FAM222A: variants seen among roughly 807,000 people sequenced by gnomAD.
FAM222A encodes the protein family with sequence similarity 222 member A.
Under a neutral mutation model 25.8 loss-of-function variants are expected in FAM222A, and 7 were observed. The observed-to-expected ratio is 0.27, with a 90% CI of 0.15 to 0.51. FAM222A has a LOEUF of 0.51. FAM222A is among the 20% of genes least tolerant of loss of function. The pLI is 0.97. For missense variants in FAM222A, 573 were observed against 640.5 expected (o/e 0.89, Z 1.14); for synonymous variants, 294 against 298.8 (o/e 0.98, Z 0.17).
intron 1 of FAM222A, among the ~76,000 whole-genome samples, chr12:109,718,519 G>GGC (rs1887688692): frequency 6.6e-6 from 1 of 151,934 alleles, no homozygotes; most frequent in Non-Finnish European, 1.5e-5. Flanking sequence ...AGAACGAGGA[G>GGC]GCGCGCACAA....
intron 2 of FAM222A, among the ~76,000 whole-genome samples, chr12:109,761,245 C>A (rs951543677): frequency 6.6e-6 from 1 of 152,118 alleles, no homozygotes; most frequent in Non-Finnish European, 1.5e-5. Context: ...GGCTGCCCCC[C>A]CAGGCCTCTG....
At chr12:109,730,771 C>G (rs937001262) in intron 1 of FAM222A, among the ~76,000 whole-genome samples, 3 of 152,150 alleles carry the variant, frequency 2.0e-5, no homozygotes, top group Non-Finnish European at 2.9e-5. Context: ...TCTCAAGGCA[C>G]ACTTGGGGCC....
At chr12:109,724,417 G>A (rs557246550) in intron 1 of FAM222A, among the ~76,000 whole-genome samples, 1 of 152,342 alleles carries the variant, frequency 6.6e-6, no homozygotes, top group Non-Finnish European at 1.5e-5. Flanking sequence ...CAGGAGGCTG[G>A]GGCTGACCAG....
chr12:109,749,364 C>T (rs780537874), intron 2 of FAM222A, among the ~76,000 whole-genome samples: 110 of 152,326 alleles, frequency 7.2e-4, no homozygotes, highest in Non-Finnish European at 1.1e-3. Context: ...CCTCAGCCTT[C>T]CAAAGTACTG....
chr12:109,718,785 A>G (rs1887697001), intron 1 of FAM222A, among the ~76,000 whole-genome samples: 1 of 152,232 alleles, frequency 6.6e-6, no homozygotes, highest in African/African-American at 2.4e-5. Flanking sequence ...TGTCGACTAT[A>G]ATTATAAGCT....
intron 1 of FAM222A, among the ~76,000 whole-genome samples, chr12:109,741,419 C>G (rs1472443517): frequency 6.6e-6 from 1 of 152,204 alleles, no homozygotes. Context: ...CTGAAAACCC[C>G]TCCCAGCTCC....
In FAM222A at chr12:109,769,505, G is replaced by A. The variant is rs1889182839; in HGVS notation, c.*217G>A. On this transcript the variant is annotated 3_prime_UTR_variant, in exon 3 of 3. Coordinates refer to ENST00000538780, the MANE Select transcript of FAM222A (RefSeq NM_032829.3). Reference sequence around the variant, plus strand: ...CCCTCCCCACCATCGGTTGCCCCAGGACACAGTGAGGGCCTGGGGGCAGCC... The same window carrying A: ...CCCTCCCCACCATCGGTTGCCCCAGAACACAGTGAGGGCCTGGGGGCAGCC... 1.7e-6 allele frequency: 1 copy of A among 603,778 alleles called. No homozygotes were observed. Among genetic ancestry groups the A allele is most frequent in the African/African-American group, 1.9e-5 (1 of 53,908 alleles). The allele number at this position is 603,778 out of a possible 1,614,324, so 37.4% of individuals were successfully genotyped here. A position where few individuals can be genotyped will look rare whatever the true frequency, so the allele number is the denominator to read the frequency against.
At chr12:109,734,562 T>G in intron 1 of FAM222A, 2 of 147,506 alleles carry the variant, frequency 1.4e-5, no homozygotes, top group Non-Finnish European at 1.5e-5. Context: ...TGTCTCCAGG[T>G]GGTCAGAGGT....
chr12:109,723,357 G>A (rs1185188208), intron 1 of FAM222A, among the ~76,000 whole-genome samples: 1 of 152,226 alleles, frequency 6.6e-6, no homozygotes, highest in African/African-American at 2.4e-5. Context: ...TTTGGCCCTT[G>A]GCAGCCCTTC....
At chr12:109,743,887 A>G in intron 1 of FAM222A, 1 of 985,436 alleles carries the variant, frequency 1.0e-6, no homozygotes, top group Non-Finnish European at 1.2e-6. Flanking sequence ...CCCCCACTCA[A>G]GAGCCCTGGA....
chr12:109,717,237 G>A (rs908005491), intron 1 of FAM222A, among the ~76,000 whole-genome samples: 6 of 152,160 alleles, frequency 3.9e-5, no homozygotes, highest in African/African-American at 9.7e-5. Context: ...ACTTCCGCCC[G>A]GCCTTGTGGT....
intron 1 of FAM222A, among the ~76,000 whole-genome samples, chr12:109,727,757 T>C (rs1887870005): frequency 6.6e-6 from 1 of 152,068 alleles, no homozygotes; most frequent in African/African-American, 2.4e-5. Context: ...CTTAAGGTGC[T>C]CACTCCCCAG....
At chr12:109,748,794 C>A in intron 2 of FAM222A, among the ~76,000 whole-genome samples, 1 of 152,116 alleles carries the variant, frequency 6.6e-6, no homozygotes, top group East Asian at 1.9e-4. Flanking sequence ...TATCCCCTTT[C>A]CCCAAAGATT....
intron 1 of FAM222A, among the ~76,000 whole-genome samples, chr12:109,732,424 C>T (rs945160334): frequency 2.0e-5 from 3 of 152,224 alleles, no homozygotes; most frequent in Non-Finnish European, 4.4e-5. Context: ...TGTGCTAAGC[C>T]TGTCCTGGGC....
intron 1 of FAM222A, among the ~76,000 whole-genome samples, chr12:109,717,181 A>G (rs1887661411): frequency 6.6e-6 from 1 of 152,172 alleles, no homozygotes; most frequent in South Asian, 2.1e-4. Flanking sequence ...GCAGATTTGA[A>G]TCCTCTCTTC....
At chr12:109,733,595 G>A (rs532072486) in intron 1 of FAM222A, among the ~76,000 whole-genome samples, 3 of 152,046 alleles carry the variant, frequency 2.0e-5, no homozygotes, top group African/African-American at 7.2e-5. Flanking sequence ...AGTAGAGAGG[G>A]GGTTTCACCG....
Position 109,768,655 on chromosome 12 carries a change from G to A in FAM222A, c.726G>A (p.Met242Ile), listed in dbSNP as rs1263197883. ...KHGPVPSFPS[M>I]AYSAAAGLPD... is the part of the protein sequence containing the mutation. ...GCCCAGTGCCCAGCTTCCCCAGCAT[G>A]GCCTACTCGGCTGCAGCCGGTCTGC... The change falls in exon 3 of 3, where the codon ATG becomes ATA. Residue 242 changes from methionine to isoleucine, a missense_variant. Around this residue, in one of 3 missense-constraint regions of FAM222A, gnomAD observed 412 missense variants for 407.0 expected, o/e 1.01. Coordinates refer to ENST00000538780, the MANE Select transcript of FAM222A (RefSeq NM_032829.3). The A allele has an allele frequency of 1.3e-6, 2 of 1,599,022 alleles. No individual in the cohort carries two copies. Among genetic ancestry groups the A allele is most frequent in the East Asian group, 2.2e-5 (1 of 44,774 alleles).
At chr12:109,722,502 C>T (rs1333587382) in intron 1 of FAM222A, 1 of 152,214 alleles carries the variant, frequency 6.6e-6, no homozygotes, top group African/African-American at 2.4e-5. Context: ...ATGAAGACTC[C>T]CCGGACTAAA....
intron 2 of FAM222A, among the ~76,000 whole-genome samples, chr12:109,750,639 A>C (rs994972259): frequency 1.3e-5 from 2 of 151,978 alleles, no homozygotes; most frequent in South Asian, 2.1e-4. Context: ...CTCACTACCA[A>C]ATCTTTTGCC....
Sources: allele counts gnomAD v4.1 joint callset (sites outside exome capture counted in the v4.1 genomes callset), GRCh38; gene constraint gnomAD v4.1.1; regional missense constraint gnomAD v4.1.1; transcripts MANE v1.5; gene names NCBI Gene and HGNC (gene_info 2026-07-23, HGNC 2026-07-21).